Variants in MYO3B observed in about 807,000 individuals in gnomAD.
The protein encoded by MYO3B is myosin-IIIb.
Under a neutral mutation model 174.6 loss-of-function variants are expected in MYO3B, and 156 were observed. That is an observed-to-expected ratio of 0.89 (90% CI 0.78 to 1.02). MYO3B has a LOEUF of 1.02. Ranked by LOEUF, MYO3B falls within the 50% of genes least tolerant of loss-of-function variation. MYO3B has a pLI of 0.00. For missense variants in MYO3B, 1,632 were observed against 1,639.4 expected (o/e 1.00, Z 0.08); for synonymous variants, 563 against 569.1 (o/e 0.99, Z 0.15).
chr2:170,520,512 CATAT>C (rs759291370), intron 30 of MYO3B, among the ~76,000 whole-genome samples: 1 of 151,084 alleles, frequency 6.6e-6, no homozygotes, highest in Non-Finnish European at 1.5e-5. Flanking sequence ...CACACACACA[CATAT>C]ATATATAATC....
chr2:170,449,638 G>A (rs979941727), intron 23 of MYO3B, among the ~76,000 whole-genome samples: 5 of 152,102 alleles, frequency 3.3e-5, no homozygotes, highest in Middle Eastern at 3.4e-3. Context: ...TTAGCTGGGC[G>A]TGGTGGTACA....
rs1448029787 is a variant in MYO3B, at chr2:170,405,622, T to A, written c.2509T>A (p.Tyr837Asn). Residue 837 changes from tyrosine to asparagine, a missense_variant, in exon 21 of 35, where the codon TAT (tyrosine) becomes AAT (asparagine). Transcript: ENST00000408978. ...GVELCFGIQH[Y>N]AGKVLYDASG... ...GGAACTGTGCTTTGGCATTCAGCAT[T>A]ATGCTGGAAAGGTGAGGCCAGTGTG... 1.2e-6 allele frequency: 2 copies of A among 1,614,190 alleles called. No individual in the cohort carries two copies. The highest frequency in any genetic ancestry group is 3.3e-5 in the Admixed American group (2 of 60,026).
intron 7 of MYO3B, among the ~76,000 whole-genome samples, chr2:170,258,272 A>C (rs1674617382): frequency 6.6e-6 from 1 of 152,142 alleles, no homozygotes; most frequent in Non-Finnish European, 1.5e-5. Context: ...AGAAAACGTC[A>C]GGCCAGTATC....
rs1411317343 is a variant in MYO3B, at chr2:170,383,691, T to A, written c.1186-19T>A. ...TAGATGGTCCAGGGGAGAGTTTCCT[T>A]TAATTATTTTTCCTTCAGTTTTCCA... On this transcript the variant is annotated intron_variant, in intron 11 of 34. Coordinates refer to ENST00000408978, the MANE Select transcript of MYO3B (RefSeq NM_138995.5). 1 of 1,588,032 alleles carries A rather than the reference T, an allele frequency of 6.3e-7. No individual in the cohort carries two copies. Among genetic ancestry groups the A allele is most frequent in the Non-Finnish European group, 8.6e-7 (1 of 1,156,220 alleles).
intron 25 of MYO3B, among the ~76,000 whole-genome samples, 182 bp downstream of exon 25, chr2:170,466,893 C>G (rs938041216): frequency 2.6e-5 from 4 of 152,148 alleles, no homozygotes; most frequent in Admixed American, 2.0e-4. Flanking sequence ...TGCAGTGATC[C>G]AGCAGCCAGA....
intron 7 of MYO3B, among the ~76,000 whole-genome samples, chr2:170,299,333 C>T (rs933088947): frequency 1.3e-5 from 2 of 152,198 alleles, no homozygotes; most frequent in Admixed American, 1.3e-4. Flanking sequence ...AGACTTACAT[C>T]CTCTTTTTTA....
intron 3 of MYO3B, among the ~76,000 whole-genome samples, chr2:170,203,592 C>T (rs1446714461): frequency 6.6e-6 from 1 of 151,836 alleles, no homozygotes; most frequent in African/African-American, 2.4e-5. Context: ...TTATCCAAGG[C>T]CCTAGAAAGT....
At chr2:170,484,716 A>G (rs13011042) in intron 25 of MYO3B, among the ~76,000 whole-genome samples, 46,776 of 152,094 alleles carry the variant, frequency 0.31, 8,385 homozygotes, top group East Asian at 0.55. Context: ...GAGTCTAAGG[A>G]TATAATGAAT....
At chr2:170,575,518 T>G (rs1022208505) in intron 32 of MYO3B, among the ~76,000 whole-genome samples, 1 of 152,218 alleles carries the variant, frequency 6.6e-6, no homozygotes, top group African/African-American at 2.4e-5. Context: ...GATTTGAACT[T>G]CATATAATTT....
At chr2:170,575,613 G>A (rs72625229) in intron 32 of MYO3B, among the ~76,000 whole-genome samples, 7,115 of 152,196 alleles carry the variant, frequency 0.047, 366 homozygotes, top group East Asian at 0.25. Flanking sequence ...CTCATGGGCT[G>A]TCCCTAAACA....
At chr2:170,595,223 G>C (rs752531892) in intron 32 of MYO3B, among the ~76,000 whole-genome samples, 2 of 152,142 alleles carry the variant, frequency 1.3e-5, no homozygotes, top group Non-Finnish European at 2.9e-5. Context: ...ACCAGGTAGG[G>C]GGTGTTCCAA....
chr2:170,231,307 C>A (rs2093013549), intron 6 of MYO3B, among the ~76,000 whole-genome samples: 2 of 152,200 alleles, frequency 1.3e-5, no homozygotes, highest in African/African-American at 2.4e-5. Context: ...CTAGCCTTTG[C>A]TCCAAAGACC....
At chr2:170,448,297 G>T (rs772061504) in intron 23 of MYO3B, among the ~76,000 whole-genome samples, 1 of 152,220 alleles carries the variant, frequency 6.6e-6, no homozygotes, top group Admixed American at 6.5e-5. Flanking sequence ...GATGGAGTCA[G>T]TTATGTTAGA....
chr2:170,643,576 G>C (rs1698144449), intron 32 of MYO3B: 1 of 152,084 alleles, frequency 6.6e-6, no homozygotes, highest in African/African-American at 2.4e-5. Context: ...CCTCATATAG[G>C]ATTTGCCATC....
chr2:170,603,692 A>C (rs1393900517), intron 32 of MYO3B, among the ~76,000 whole-genome samples: 1 of 152,244 alleles, frequency 6.6e-6, no homozygotes, highest in Admixed American at 6.5e-5. Flanking sequence ...GGTTTTGTGT[A>C]ATCATTCAAG....
intron 7 of MYO3B, among the ~76,000 whole-genome samples, chr2:170,262,802 AT>A (rs1283426848): frequency 6.6e-6 from 1 of 152,080 alleles, no homozygotes; most frequent in Non-Finnish European, 1.5e-5. Flanking sequence ...ATTTAGGGCC[AT>A]TTGTGTATTT....
chr2:170,232,076 C>T (rs2105287922), intron 6 of MYO3B, among the ~76,000 whole-genome samples: 1 of 152,286 alleles, frequency 6.6e-6, no homozygotes, highest in East Asian at 1.9e-4. Flanking sequence ...CGTGCACTTA[C>T]TTGCCTTCGT....
At chr2:170,191,916 C>T (rs1055962921) in intron 1 of MYO3B, among the ~76,000 whole-genome samples, 3 of 152,132 alleles carry the variant, frequency 2.0e-5, no homozygotes, top group Non-Finnish European at 4.4e-5. Context: ...ATTGCTCTGC[C>T]TGTAACTCGA....
At chr2:170,582,513 G>T (rs557933937) in intron 32 of MYO3B, among the ~76,000 whole-genome samples, 2 of 152,248 alleles carry the variant, frequency 1.3e-5, no homozygotes, top group South Asian at 4.2e-4. Context: ...GGCCCCTCCA[G>T]TGGGCAGCAC....
Sources: gnomAD v4.1 joint callset for allele counts (sites outside exome capture counted in the v4.1 genomes callset) on GRCh38, gnomAD v4.1.1 for gene constraint, MANE v1.5 for transcripts, NCBI Gene and HGNC (gene_info 2026-07-23, HGNC 2026-07-21) for gene names.